Variants in GLIS1 observed in about 807,000 individuals in gnomAD.
GLIS1 encodes zinc finger protein GLIS1.
Under a neutral mutation model 63.8 loss-of-function variants are expected in GLIS1, and 24 were observed. The observed-to-expected ratio is 0.38, with a 90% CI of 0.27 to 0.53. The LOEUF is 0.53. Among genes scored for constraint, GLIS1 ranks in the 20% least tolerant of loss-of-function variants. GLIS1 has a pLI of 0.85. For synonymous variants in GLIS1, 450 were observed against 482.5 expected, an observed-to-expected ratio of 0.93 and a Z score of 0.88; for missense variants, 1,036 against 1,074.1, an observed-to-expected ratio of 0.96 and a Z score of 0.50.
chr1:53,561,554 A>C (rs1041695312), intron 4 of GLIS1, among the ~76,000 whole-genome samples: 1 of 152,224 alleles, frequency 6.6e-6, no homozygotes, highest in African/African-American at 2.4e-5. Flanking sequence ...TGTGGCTGGC[A>C]AACACTGCCG....
intron 2 of GLIS1, among the ~76,000 whole-genome samples, chr1:53,685,303 C>A (rs761933047): frequency 6.6e-6 from 1 of 152,222 alleles, no homozygotes; most frequent in Non-Finnish European, 1.5e-5. Flanking sequence ...TTGGAGCCCG[C>A]GGACATACCA....
At chr1:53,662,928 G>A (rs1052875294) in intron 2 of GLIS1, among the ~76,000 whole-genome samples, 2 of 152,240 alleles carry the variant, frequency 1.3e-5, no homozygotes, top group African/African-American at 4.8e-5. Flanking sequence ...TGGGGAAGCT[G>A]ATGCACAGAA....
chr1:53,729,450 G>A (rs773575778), intron 2 of GLIS1, among the ~76,000 whole-genome samples: 1 of 152,156 alleles, frequency 6.6e-6, no homozygotes, highest in Non-Finnish European at 1.5e-5. Flanking sequence ...GGGTTGACGG[G>A]GGGTACGGAG....
At chr1:53,720,586 A>T (rs1646744191) in intron 2 of GLIS1, among the ~76,000 whole-genome samples, 1 of 152,194 alleles carries the variant, frequency 6.6e-6, no homozygotes. Flanking sequence ...AGTACAGTAA[A>T]GTGACTATAG....
At chr1:53,510,793 T>G (rs1644291429) in intron 8 of GLIS1, among the ~76,000 whole-genome samples, 1 of 152,192 alleles carries the variant, frequency 6.6e-6, no homozygotes, top group African/African-American at 2.4e-5. Flanking sequence ...CACAGTGTAC[T>G]CTGAGGAACC....
chr1:53,536,178 G>A (rs182371116), intron 4 of GLIS1, among the ~76,000 whole-genome samples: 1 of 152,160 alleles, frequency 6.6e-6, no homozygotes, highest in East Asian at 1.9e-4. Context: ...GTGGATTTGA[G>A]ACACACTGGC....
At chr1:53,675,487 G>A in intron 2 of GLIS1, among the ~76,000 whole-genome samples, 1 of 152,306 alleles carries the variant, frequency 6.6e-6, no homozygotes, top group East Asian at 1.9e-4. Context: ...CTTTGGGCAA[G>A]TCATGGCCCC....
intron 2 of GLIS1, among the ~76,000 whole-genome samples, chr1:53,685,112 C>A (rs1646320302): frequency 6.6e-6 from 1 of 152,074 alleles, no homozygotes; most frequent in African/African-American, 2.4e-5. Context: ...GGCATTTCCC[C>A]CAGCAAAAAG....
chr1:53,564,844 A>G (rs1437062156), intron 4 of GLIS1, among the ~76,000 whole-genome samples: 2 of 152,088 alleles, frequency 1.3e-5, no homozygotes, highest in African/African-American at 4.8e-5. Flanking sequence ...TGCAAAGCCT[A>G]CCACCTTGGT....
rs752636057 is a variant in GLIS1, at chr1:53,709,413, C to CATAT, written c.259+28392_259+28393insATAT. Among the ~76,000 whole-genome samples, 440 of 124,758 alleles carry CATAT rather than the reference C, an allele frequency of 3.5e-3. 15 individuals are homozygous for CATAT. The highest frequency in any genetic ancestry group is 9.8e-3 in the South Asian group (41 of 4,198). 81.8% of individuals were successfully genotyped at this position (124,758 alleles called of 152,430 possible). A position where few individuals can be genotyped will look rare whatever the true frequency, so the allele number is the denominator to read the frequency against. ...ATATATACATATACATATATATATA[C>CATAT]ACACACACACACACACACACACACA... On this transcript the variant is annotated intron_variant, in intron 2 of 10. Coordinates refer to ENST00000628545, the MANE Select transcript of GLIS1 (RefSeq NM_001367484.1).
At chr1:53,667,248 G>T (rs946750485) in intron 2 of GLIS1, among the ~76,000 whole-genome samples, 5 of 152,220 alleles carry the variant, frequency 3.3e-5, no homozygotes, top group Non-Finnish European at 7.3e-5. Flanking sequence ...CACTCCAGGT[G>T]TATCAACCCA....
At chr1:53,595,098 G>GGGCAGGA (rs1645241792) in intron 3 of GLIS1, 108 bp from the exon 4 acceptor site, 1 of 1,004,232 alleles carries the variant, frequency 1.0e-6, no homozygotes, top group South Asian at 2.6e-5. Flanking sequence ...GACAAGCCCA[G>GGGCAGGA]GGCAGGAGGC....
At chr1:53,579,458 T>C (rs532190954) in intron 4 of GLIS1, among the ~76,000 whole-genome samples, 84 of 152,364 alleles carry the variant, frequency 5.5e-4, no homozygotes, top group African/African-American at 2.0e-3. Context: ...GCTCAGGCTG[T>C]GGGAGGGGGA....
chr1:53,574,931 G>C lies in GLIS1; in HGVS notation c.1320+19177C>G, dbSNP rs752608284. Among the ~76,000 whole-genome samples the C allele has an allele frequency of 6.6e-6, 1 of 152,126 alleles. No homozygotes were observed. The highest frequency in any genetic ancestry group is 1.5e-5 in the Non-Finnish European group (1 of 68,022). On this transcript the variant is annotated intron_variant, in intron 4 of 10. Transcript: ENST00000628545. The surrounding 1 kb of genome is among the most constrained non-coding windows in gnomAD (Gnocchi z 4.2). ...TCTTAACAAATGGTGTGATCACTCCGGGGGCAGGGTGGGCAGCCCCGGTCT... is the reference window on the plus strand; with the variant it reads ...TCTTAACAAATGGTGTGATCACTCCCGGGGCAGGGTGGGCAGCCCCGGTCT...
intron 2 of GLIS1, among the ~76,000 whole-genome samples, chr1:53,610,634 A>ATGGT (rs1645415825): frequency 6.6e-6 from 1 of 152,186 alleles, no homozygotes; most frequent in Admixed American, 6.5e-5. Flanking sequence ...TGACATAACT[A>ATGGT]TGGTGTGCCT....
chr1:53,514,954 C>T (rs1393771048), intron 7 of GLIS1, among the ~76,000 whole-genome samples, 173 bp from the exon 8 acceptor site: 1 of 152,160 alleles, frequency 6.6e-6, no homozygotes, highest in Non-Finnish European at 1.5e-5. Context: ...TGGCCCCACT[C>T]CACTCAGTTC....
intron 2 of GLIS1, among the ~76,000 whole-genome samples, chr1:53,703,320 C>T (rs1236084500): frequency 3.9e-5 from 6 of 152,128 alleles, no homozygotes; most frequent in Admixed American, 2.0e-4. Flanking sequence ...CTGGTACAGG[C>T]CCTGGCACCT....
At chr1:53,625,107 C>T (rs1161898002) in intron 2 of GLIS1, among the ~76,000 whole-genome samples, 4 of 152,338 alleles carry the variant, frequency 2.6e-5, no homozygotes, top group Admixed American at 2.0e-4. Flanking sequence ...AGCTTCTGGC[C>T]GCTCCAGGCC....
chr1:53,550,082 CATG>C (rs1282121777), intron 4 of GLIS1, among the ~76,000 whole-genome samples: 3 of 152,228 alleles, frequency 2.0e-5, no homozygotes, highest in African/African-American at 4.8e-5. Context: ...CAGCCCAGCT[CATG>C]ATATTTTCTC....
Sources: gnomAD v4.1 joint callset for allele counts (sites outside exome capture counted in the v4.1 genomes callset) on GRCh38, gnomAD v4.1.1 for gene constraint, Gnocchi (gnomAD v3.1) non-coding constraint, MANE v1.5 for transcripts, NCBI Gene and HGNC (gene_info 2026-07-23, HGNC 2026-07-21) for gene names.